CNTN3: variants seen among roughly 807,000 people sequenced by gnomAD.
The protein encoded by CNTN3 is contactin 3.
CNTN3 carries 60 observed loss-of-function variants against 119.1 expected under a neutral mutation model. The observed-to-expected ratio is 0.50, with a 90% confidence interval of 0.41 to 0.62. The LOEUF (loss-of-function observed/expected upper bound fraction) is 0.62, where lower values mean the gene tolerates loss of function less well. CNTN3 is among the 20% of genes least tolerant of loss of function. CNTN3 has a pLI of 0.00. For synonymous variants in CNTN3, 450 were observed against 438.7 expected, an observed-to-expected ratio of 1.03 and a Z score of -0.32; for missense variants, 1,101 against 1,242.4, an observed-to-expected ratio of 0.89 and a Z score of 1.71.
intron 2 of CNTN3, among the ~76,000 whole-genome samples, chr3:74,520,670 CAT>C (rs1332697290): frequency 6.6e-6 from 1 of 151,170 alleles, no homozygotes; most frequent in Non-Finnish European, 1.5e-5. Flanking sequence ...AAAAGTAAAA[CAT>C]ATGAAAATAC....
At chr3:74,572,538 C>T (rs923357238) in intron 1 of CNTN3, among the ~76,000 whole-genome samples, 4 of 151,978 alleles carry the variant, frequency 2.6e-5, no homozygotes, top group Admixed American at 6.5e-5. Context: ...AAATGGTATA[C>T]AATATTGTTC....
rs1435599149 is a variant in CNTN3 at position 74,266,566 on chromosome 3, T to C, written c.2901A>G (p.Lys967=). ...KTSAELVLPI[K]EDYIIEVKAT... is the part of the protein sequence containing the mutation. Reference sequence around the variant, plus strand: ...CCTTGACTTCAATAATGTAGTCCTCTTTAATGGGCAGCACAAGTTCAGCTG... The same window carrying C: ...CCTTGACTTCAATAATGTAGTCCTCCTTAATGGGCAGCACAAGTTCAGCTG... The change falls in exon 22 of 23, where the codon AAA becomes AAG. Residue 967 remains lysine (K), a synonymous_variant. Coordinates refer to ENST00000263665, the MANE Select transcript of CNTN3 (RefSeq NM_020872.3). 1 of 1,613,670 alleles carries C rather than the reference T, an allele frequency of 6.2e-7. No homozygotes were observed. The highest frequency in any genetic ancestry group is 1.1e-5 in the South Asian group (1 of 91,052).
intron 13 of CNTN3, among the ~76,000 whole-genome samples, chr3:74,307,179 C>G (rs1027045183): frequency 2.6e-5 from 4 of 152,044 alleles, no homozygotes; most frequent in African/African-American, 9.7e-5. Flanking sequence ...ATGGGGTGGA[C>G]AGGGGATAGG....
intron 4 of CNTN3, among the ~76,000 whole-genome samples, chr3:74,426,427 A>G (rs1701696413): frequency 1.3e-5 from 2 of 152,226 alleles, no homozygotes; most frequent in South Asian, 2.1e-4. Flanking sequence ...TGAAAAATAT[A>G]AAAAGCAAAA....
At chr3:74,451,315 T>C (rs1702149672) in intron 4 of CNTN3, among the ~76,000 whole-genome samples, 1 of 152,220 alleles carries the variant, frequency 6.6e-6, no homozygotes, top group Non-Finnish European at 1.5e-5. Flanking sequence ...ATGTCTTCTT[T>C]GGAGAAGTGT....
intron 3 of CNTN3, among the ~76,000 whole-genome samples, chr3:74,493,533 G>T (rs187147933): frequency 6.6e-6 from 1 of 152,048 alleles, no homozygotes; most frequent in Admixed American, 6.6e-5. Flanking sequence ...CGAAAATTTG[G>T]GGGGGTCTGG....
intron 5 of CNTN3, among the ~76,000 whole-genome samples, chr3:74,381,185 A>G (rs576263822): frequency 6.6e-6 from 1 of 152,118 alleles, no homozygotes; most frequent in East Asian, 1.9e-4. Flanking sequence ...ACACCATTAA[A>G]AAAAACCCTT....
chr3:74,399,181 G>A (rs1256516228), intron 5 of CNTN3, among the ~76,000 whole-genome samples: 3 of 151,952 alleles, frequency 2.0e-5, no homozygotes, highest in African/African-American at 7.3e-5. Context: ...CCAAGTACAA[G>A]TTTGTGACAT....
intron 11 of CNTN3, among the ~76,000 whole-genome samples, chr3:74,357,642 C>T (rs949295205): frequency 1.3e-5 from 2 of 152,100 alleles, no homozygotes; most frequent in South Asian, 2.1e-4. Flanking sequence ...TGATTTAGAC[C>T]TTGAATGATA....
intron 20 of CNTN3, among the ~76,000 whole-genome samples, chr3:74,281,253 CT>C (rs1702001914): frequency 6.6e-6 from 1 of 152,150 alleles, no homozygotes; most frequent in African/African-American, 2.4e-5. Context: ...GGCCATTGCC[CT>C]GATCTACAGG....
chr3:74,269,607 C>G (rs1701729860), intron 20 of CNTN3, among the ~76,000 whole-genome samples: 1 of 152,036 alleles, frequency 6.6e-6, no homozygotes, highest in Non-Finnish European at 1.5e-5. Context: ...TAAGCATGTT[C>G]ATGACAGCAT....
chr3:74,326,899 T>G (rs1559548387), intron 13 of CNTN3, among the ~76,000 whole-genome samples: 1 of 152,108 alleles, frequency 6.6e-6, no homozygotes, highest in Admixed American at 6.6e-5. Flanking sequence ...TCTGGTATTT[T>G]TCCTTTAAAG....
chr3:74,384,648 A>ATTCTTT (rs1169125494), intron 5 of CNTN3, among the ~76,000 whole-genome samples: 2 of 152,124 alleles, frequency 1.3e-5, no homozygotes, highest in Non-Finnish European at 2.9e-5. Flanking sequence ...GTTTTTGACA[A>ATTCTTT]TTCTTTTTCT....
At chr3:74,563,124 T>C (rs1023459270) in intron 1 of CNTN3, among the ~76,000 whole-genome samples, 6 of 152,198 alleles carry the variant, frequency 3.9e-5, no homozygotes, top group Admixed American at 6.6e-5. Flanking sequence ...CCACAGCTGC[T>C]GGGTTCCATC....
chr3:74,299,285 T>A (rs1702406575), intron 17 of CNTN3, among the ~76,000 whole-genome samples: 1 of 152,160 alleles, frequency 6.6e-6, no homozygotes, highest in African/African-American at 2.4e-5. Flanking sequence ...TGACACATCA[T>A]CAGCATCTTC....
chr3:74,425,115 G>A lies in CNTN3; in HGVS notation c.359-175C>T, dbSNP rs139518300. ...TTTATTTTAGATTCAGGAGGTACAC[G>A]TACAGGTTTGTTATGTGGTTATACT... On this transcript the variant is annotated intron_variant, in intron 4 of 22. Transcript: ENST00000263665. 4.4e-3 allele frequency among the ~76,000 whole-genome samples: 665 copies of A among 151,934 alleles called. 6 individuals are homozygous for A. Among genetic ancestry groups the A allele is most frequent in the African/African-American group, 0.015 (630 of 41,428 alleles).
Position 74,366,789 on chromosome 3 carries a change from T to TATATATATAC in CNTN3, c.947-1088_947-1087insGTATATATAT, listed in dbSNP as rs1226262157. On this transcript the variant is annotated intron_variant, in intron 8 of 22. Coordinates refer to ENST00000263665, the MANE Select transcript of CNTN3 (RefSeq NM_020872.3). ...GTGTGTGTGTGTGTGTGTATATATA[T>TATATATATAC]ATATATATATATATATATAACTTGC... Among the ~76,000 whole-genome samples the TATATATATAC allele has an allele frequency of 1.0e-3, 129 of 127,568 alleles. 3 individuals are homozygous for TATATATATAC. The highest frequency in any genetic ancestry group is 1.5e-3 in the Non-Finnish European group (92 of 60,830). The allele number at this position is 127,568 out of a possible 152,430, so 83.7% of individuals were successfully genotyped here.
In CNTN3 at chr3:74,366,296, A is replaced by AT. The variant is rs545116046; in HGVS notation, c.947-595dup. Among the ~76,000 whole-genome samples, 18 of 152,240 alleles carry AT rather than the reference A, an allele frequency of 1.2e-4. No individual in the cohort carries two copies. The East Asian group carries it at 3.1e-3, about 26-fold the overall frequency. On this transcript the variant is annotated intron_variant, in intron 8 of 22. Transcript: ENST00000263665. ...AAGTTGGTTCAACTTGAATCATGTG[A>AT]TTTTTTGCCAGAAAAAGAAGTAACT...
intron 1 of CNTN3, among the ~76,000 whole-genome samples, chr3:74,531,454 T>C (rs1308017770): frequency 1.3e-5 from 2 of 151,924 alleles, no homozygotes; most frequent in Non-Finnish European, 2.9e-5. Context: ...CACAGCACCA[T>C]CCTAGAACAG....
Sources: gnomAD v4.1 joint callset for allele counts (sites outside exome capture counted in the v4.1 genomes callset) on GRCh38, gnomAD v4.1.1 for gene constraint, MANE v1.5 for transcripts, NCBI Gene and HGNC (gene_info 2026-07-23, HGNC 2026-07-21) for gene names.